Variants in ESRRG observed in about 807,000 individuals in gnomAD.
ESRRG encodes estrogen-related receptor gamma.
Under a neutral mutation model 44.0 loss-of-function variants are expected in ESRRG, and 13 were observed. The observed-to-expected ratio is 0.30, with a 90% CI of 0.19 to 0.47. The LOEUF (loss-of-function observed/expected upper bound fraction) is 0.47. ESRRG is among the 20% of genes least tolerant of loss of function. The pLI is 1.00. For missense variants in ESRRG, 395 were observed against 580.6 expected (o/e 0.68, Z 3.29); for synonymous variants, 215 against 214.6 (o/e 1.00, Z -0.02).
Position 216,732,813 on chromosome 1 carries a change from C to T in ESRRG, c.-13-55322G>A, listed in dbSNP as rs2089114573. 4.6e-5 allele frequency among the ~76,000 whole-genome samples: 6 copies of T among 129,056 alleles called. No individual in the cohort carries two copies. In the South Asian group the frequency reaches 1.5e-3, roughly 32 times the overall value. 84.7% of individuals were successfully genotyped at this position (129,056 alleles called of 152,430 possible). On this transcript the variant is annotated intron_variant, in intron 2 of 7. Coordinates refer to the ESRRG transcript ENST00000359162. ...TAGCCACTGAACTCCAGCCTGCAAA[C>T]ATAGTGGAACTCCATCTCTAAAATT... is the stretch of plus-strand genomic sequence containing the variant.
intron 3 of ESRRG, among the ~76,000 whole-genome samples, chr1:216,583,196 A>G (rs1469317576): frequency 1.3e-5 from 2 of 152,252 alleles, no homozygotes; most frequent in African/African-American, 4.8e-5. Flanking sequence ...GACATGACAC[A>G]TACTGGATGG....
At chr1:217,058,209 T>G (rs1349258949) in intron 1 of ESRRG, among the ~76,000 whole-genome samples, 1 of 152,020 alleles carries the variant, frequency 6.6e-6, no homozygotes, top group Admixed American at 6.6e-5. Flanking sequence ...ATAAAGAAAA[T>G]TAAACTATCA....
chr1:216,722,080 C>T (rs1337682418), intron 1 of ESRRG, among the ~76,000 whole-genome samples: 1 of 146,644 alleles, frequency 6.8e-6, no homozygotes, highest in Non-Finnish European at 1.5e-5. Context: ...TCATCTCTTA[C>T]TTAATTACAA....
chr1:217,073,543 G>A (rs556812662), intron 1 of ESRRG, among the ~76,000 whole-genome samples: 2 of 152,246 alleles, frequency 1.3e-5, no homozygotes, highest in East Asian at 3.9e-4. Context: ...TCAATAGCAG[G>A]AGAAAGAAAA....
At chr1:217,123,684 A>G (rs1476515733) in intron 1 of ESRRG, among the ~76,000 whole-genome samples, 2 of 152,190 alleles carry the variant, frequency 1.3e-5, no homozygotes, top group African/African-American at 4.8e-5. Flanking sequence ...GTTCTCACTT[A>G]TAAGTGGGAG....
chr1:216,800,870 A>G (rs2148292352), intron 2 of ESRRG, among the ~76,000 whole-genome samples: 1 of 152,286 alleles, frequency 6.6e-6, no homozygotes, highest in South Asian at 2.1e-4. Context: ...CGACCTTAGG[A>G]TAAGGGTTTG....
intron 2 of ESRRG, among the ~76,000 whole-genome samples, chr1:216,897,119 G>A (rs1271383993): frequency 6.6e-6 from 1 of 152,124 alleles, no homozygotes; most frequent in African/African-American, 2.4e-5. Context: ...GTTGTGAAGA[G>A]CACAGAAGTT....
intron 1 of ESRRG, among the ~76,000 whole-genome samples, chr1:216,955,638 C>G (rs940396006): frequency 6.6e-6 from 1 of 152,156 alleles, no homozygotes; most frequent in African/African-American, 2.4e-5. Flanking sequence ...ACCATAGTGG[C>G]TGTGTTAATT....
chr1:216,735,711 T>C (rs919639486), intron 2 of ESRRG, among the ~76,000 whole-genome samples: 1 of 152,068 alleles, frequency 6.6e-6, no homozygotes, highest in Non-Finnish European at 1.5e-5. Flanking sequence ...CTGGGAGTGG[T>C]GGTTCATGCC....
chr1:216,594,317 C>T (rs2058123627), intron 3 of ESRRG, among the ~76,000 whole-genome samples: 1 of 152,180 alleles, frequency 6.6e-6, no homozygotes, highest in Admixed American at 6.5e-5. Context: ...TAAATACTCT[C>T]ATCTCTGGAA....
chr1:216,688,988 T>C (rs1047148965), intron 1 of ESRRG, among the ~76,000 whole-genome samples: 1 of 152,144 alleles, frequency 6.6e-6, no homozygotes, highest in Admixed American at 6.5e-5. Context: ...TAAACACACA[T>C]TAACTTCCCT....
intron 2 of ESRRG, among the ~76,000 whole-genome samples, chr1:216,879,685 G>A (rs2096412800): frequency 6.6e-6 from 1 of 152,066 alleles, no homozygotes; most frequent in African/African-American, 2.4e-5. Flanking sequence ...AGAATTTTCT[G>A]AGCAATAAAA....
At chr1:217,119,028 T>C (rs2092780138) in intron 1 of ESRRG, among the ~76,000 whole-genome samples, 1 of 151,144 alleles carries the variant, frequency 6.6e-6, no homozygotes, top group African/African-American at 2.4e-5. Context: ...GATAGATAGA[T>C]AGATAGATAG....
intron 2 of ESRRG, among the ~76,000 whole-genome samples, chr1:216,653,214 C>T (rs976424270): frequency 3.3e-5 from 5 of 152,150 alleles, no homozygotes; most frequent in African/African-American, 1.2e-4. Context: ...CATCAACAAA[C>T]TTCTGACAAG....
intron 2 of ESRRG, among the ~76,000 whole-genome samples, chr1:216,873,959 A>T (rs74141692): frequency 0.48 from 25,769 of 53,158 alleles, 7,175 homozygotes; most frequent in African/African-American, 0.78. Context: ...GAGTGGGGGA[A>T]GAGGGGAGGG....
intron 2 of ESRRG, among the ~76,000 whole-genome samples, chr1:216,673,243 G>A (rs559055989): frequency 1.6e-4 from 24 of 152,172 alleles, no homozygotes; most frequent in African/African-American, 1.4e-4. Context: ...TATCACTACC[G>A]TATTTGGCCA....
At chr1:216,538,590 T>A (rs1357263361) in intron 5 of ESRRG, among the ~76,000 whole-genome samples, 1 of 152,020 alleles carries the variant, frequency 6.6e-6, no homozygotes, top group East Asian at 1.9e-4. Flanking sequence ...CCTGAGAAGC[T>A]TGAAGAGTTT....
At chr1:216,617,585 T>G (rs2061590087) in intron 3 of ESRRG, among the ~76,000 whole-genome samples, 1 of 152,050 alleles carries the variant, frequency 6.6e-6, no homozygotes, top group East Asian at 1.9e-4. Flanking sequence ...GGAATCTAAA[T>G]TATTTGAACA....
chr1:216,537,882 A>G (rs1304125496), intron 5 of ESRRG, among the ~76,000 whole-genome samples: 3 of 152,020 alleles, frequency 2.0e-5, no homozygotes, highest in Non-Finnish European at 4.4e-5. Flanking sequence ...TTTAACCACC[A>G]TGCAGCACTG....
Sources: gnomAD v4.1 joint callset for allele counts (sites outside exome capture counted in the v4.1 genomes callset) on GRCh38, gnomAD v4.1.1 for gene constraint, MANE v1.5 for transcripts, NCBI Gene and HGNC (gene_info 2026-07-23, HGNC 2026-07-21) for gene names.